NALF1: variants seen among roughly 807,000 people sequenced by gnomAD.
NALF1 encodes NALCN channel auxiliary factor 1, also known as family with sequence similarity 155 member A.
Under a neutral mutation model 48.4 loss-of-function variants are expected in NALF1, and 3 were observed. That is an observed-to-expected ratio of 0.06 (90% CI 0.03 to 0.16). NALF1 has a LOEUF of 0.16. Among genes scored for constraint, NALF1 ranks in the 10% least tolerant of loss-of-function variants. The pLI is 1.00. For synonymous variants in NALF1, 262 were observed against 245.7 expected, an observed-to-expected ratio of 1.07 and a Z score of -0.62; for missense variants, 526 against 571.5, an observed-to-expected ratio of 0.92 and a Z score of 0.81.
At chr13:107,568,195 G>T (rs1018017508) in intron 1 of NALF1, among the ~76,000 whole-genome samples, 1 of 152,128 alleles carries the variant, frequency 6.6e-6, no homozygotes, top group African/African-American at 2.4e-5. Context: ...TGCCCAGGCT[G>T]GTCTCTAGCT....
Position 107,866,477 on chromosome 13 carries a change from C to G in NALF1, c.120G>C (p.Leu40=). The change falls in exon 1 of 3, where the codon CTG becomes CTC. Residue 40 remains leucine (L), a synonymous_variant. Coordinates refer to ENST00000375915, the MANE Select transcript of NALF1 (RefSeq NM_001080396.3). The surrounding 1 kb of genome is among the most constrained non-coding windows in gnomAD (Gnocchi z 4.4). ...IDSERAQKWR[L]SLASLLFFTV... is the part of the protein sequence containing the mutation. Reference sequence around the variant, plus strand: ...TGAAAAACAAGAGAGATGCCAGAGACAGTCGCCATTTCTGAGCCCTCTCGG... The same window carrying G: ...TGAAAAACAAGAGAGATGCCAGAGAGAGTCGCCATTTCTGAGCCCTCTCGG... 1 of 1,614,146 alleles carries G rather than the reference C, an allele frequency of 6.2e-7. No individual in the cohort carries two copies.
chr13:107,770,269 C>A (rs1011256411), intron 1 of NALF1, among the ~76,000 whole-genome samples: 1 of 152,110 alleles, frequency 6.6e-6, no homozygotes, highest in Admixed American at 6.5e-5. Context: ...TTATCTAAGA[C>A]GTTCTTTTGA....
At chr13:107,513,518 T>A (rs1027481157) in intron 1 of NALF1, among the ~76,000 whole-genome samples, 1 of 152,036 alleles carries the variant, frequency 6.6e-6, no homozygotes, top group Admixed American at 6.6e-5. Context: ...TTCTGTTATC[T>A]GAGCTAACTA....
rs143201791 is a variant in NALF1, at chr13:107,540,049, T to TAC, written c.915+325631_915+325632dup. 2.5e-3 allele frequency among the ~76,000 whole-genome samples: 373 copies of TAC among 149,508 alleles called. 3 individuals are homozygous for TAC. The highest frequency in any genetic ancestry group is 6.0e-3 in the African/African-American group (246 of 40,786). The stretch of plus-strand genomic sequence containing the variant: ...AATAGATACCCATCAGCTTCTGATG[T>TAC]ACACACACACACACACACACATACA... On this transcript the variant is annotated intron_variant, in intron 1 of 2. Transcript: ENST00000375915.
intron 1 of NALF1, among the ~76,000 whole-genome samples, chr13:107,825,998 C>T (rs1403364377): frequency 6.6e-6 from 1 of 152,184 alleles, no homozygotes; most frequent in African/African-American, 2.4e-5. Context: ...TCAGGCTGGC[C>T]TCAATCTCTT....
chr13:107,445,124 CAT>C (rs771531370), intron 1 of NALF1, among the ~76,000 whole-genome samples: 28 of 152,068 alleles, frequency 1.8e-4, no homozygotes, highest in Non-Finnish European at 4.0e-4. Context: ...GGTGTATATG[CAT>C]GTGTGTGTGT....
At chr13:107,660,215 G>A (rs1216773426) in intron 1 of NALF1, among the ~76,000 whole-genome samples, 4 of 151,798 alleles carry the variant, frequency 2.6e-5, no homozygotes, top group Admixed American at 1.3e-4. Flanking sequence ...CGAGGTGGAC[G>A]GATCACGAGG....
chr13:107,831,019 G>C (rs1355319076), intron 1 of NALF1, among the ~76,000 whole-genome samples: 1 of 152,214 alleles, frequency 6.6e-6, no homozygotes, highest in East Asian at 1.9e-4. Context: ...GATTAAAGGA[G>C]CTCCTTATAA....
intron 2 of NALF1, among the ~76,000 whole-genome samples, chr13:107,191,160 T>C (rs960787315): frequency 4.6e-5 from 7 of 152,116 alleles, no homozygotes; most frequent in African/African-American, 1.4e-4. Flanking sequence ...TGATTTCCAA[T>C]TGTTGACCTC....
rs573138885 is a variant in NALF1 at position 107,682,404 on chromosome 13, G to A, written c.915+183278C>T. Among the ~76,000 whole-genome samples, 11 of 152,214 alleles carry A rather than the reference G, an allele frequency of 7.2e-5. No homozygotes were observed. The East Asian group carries it at 1.9e-3, about 27-fold the overall frequency. On this transcript the variant is annotated intron_variant, in intron 1 of 2. Coordinates refer to ENST00000375915, the MANE Select transcript of NALF1 (RefSeq NM_001080396.3). ...TGAGGCTCTTCTAGTTCTTCAGACA[G>A]GCAGCACTCTCCCCTCCTTCCTCAG...
At chr13:107,812,847 T>C (rs1281281395) in intron 1 of NALF1, among the ~76,000 whole-genome samples, 1 of 152,064 alleles carries the variant, frequency 6.6e-6, no homozygotes, top group Non-Finnish European at 1.5e-5. Context: ...GTCACCTAGG[T>C]TGGCGTGCAG....
At chr13:107,835,840 G>A (rs1269060282) in intron 1 of NALF1, among the ~76,000 whole-genome samples, 3 of 152,090 alleles carry the variant, frequency 2.0e-5, no homozygotes, top group African/African-American at 7.2e-5. Flanking sequence ...GCACTCTGTG[G>A]TTACCATCTT....
intron 1 of NALF1, among the ~76,000 whole-genome samples, chr13:107,855,460 A>T (rs1437324492): frequency 6.6e-6 from 1 of 152,232 alleles, no homozygotes; most frequent in African/African-American, 2.4e-5. Context: ...AAGCCAAAAG[A>T]TTGGACACCC....
chr13:107,422,737 T>C (rs1350801282), intron 1 of NALF1, among the ~76,000 whole-genome samples: 1 of 152,094 alleles, frequency 6.6e-6, no homozygotes, highest in Non-Finnish European at 1.5e-5. Context: ...AGTTAGGATT[T>C]TGAGATAGAG....
chr13:107,830,630 G>T (rs1024023224), intron 1 of NALF1, among the ~76,000 whole-genome samples: 1 of 152,056 alleles, frequency 6.6e-6, no homozygotes, highest in African/African-American at 2.4e-5. Context: ...AATCAATTTC[G>T]GGGAGCGGGG....
At chr13:107,551,936 T>A (rs913214403) in intron 1 of NALF1, among the ~76,000 whole-genome samples, 13 of 152,172 alleles carry the variant, frequency 8.5e-5, no homozygotes, top group African/African-American at 3.1e-4. Context: ...AGAATCTATT[T>A]AAGCTTTTGT....
chr13:107,705,252 G>C (rs1362062402), intron 1 of NALF1, among the ~76,000 whole-genome samples: 1 of 152,070 alleles, frequency 6.6e-6, no homozygotes, highest in African/African-American at 2.4e-5. Flanking sequence ...TACATGTCCC[G>C]CCTCCCTCAC....
chr13:107,544,122 C>T (rs1464142058), intron 1 of NALF1, among the ~76,000 whole-genome samples: 3 of 152,008 alleles, frequency 2.0e-5, no homozygotes, highest in Non-Finnish European at 4.4e-5. Flanking sequence ...TTGAAATGTA[C>T]AAACATGATA....
chr13:107,853,470 T>G (rs945733402), intron 1 of NALF1, among the ~76,000 whole-genome samples: 2 of 152,220 alleles, frequency 1.3e-5, no homozygotes, highest in African/African-American at 4.8e-5. Context: ...TAGGAAAAAC[T>G]GATAAGCATT....
Sources: allele counts gnomAD v4.1 joint callset (sites outside exome capture counted in the v4.1 genomes callset), GRCh38; gene constraint gnomAD v4.1.1; non-coding constraint Gnocchi (gnomAD v3.1); transcripts MANE v1.5; gene names NCBI Gene and HGNC (gene_info 2026-07-23, HGNC 2026-07-21).